BRCA1: variants seen among roughly 807,000 people sequenced by gnomAD.
BRCA1 encodes BRCA1 DNA repair associated, also known as breast cancer type 1 susceptibility protein.
A neutral mutation model predicts 173.7 loss-of-function variants in BRCA1; 140 were observed. The observed-to-expected ratio is 0.81, with a 90% CI of 0.70 to 0.93. BRCA1 has a LOEUF of 0.93. Among genes scored for constraint, BRCA1 ranks in the 40% least tolerant of loss-of-function variants. The pLI is 0.00. For synonymous variants in BRCA1, 662 were observed against 756.0 expected, an observed-to-expected ratio of 0.88 and a Z score of 2.04; for missense variants, 1,983 against 2,172.5, an observed-to-expected ratio of 0.91 and a Z score of 1.73.
At chr17:43,156,855 T>C (rs1049477028) in intron 1 of BRCA1, among the ~76,000 whole-genome samples, 2 of 152,192 alleles carry the variant, frequency 1.3e-5, no homozygotes, top group African/African-American at 2.4e-5. Flanking sequence ...GTAATGAATG[T>C]TGAAGGAAGA....
At chr17:43,158,601 G>A (rs761973971) in intron 1 of BRCA1, among the ~76,000 whole-genome samples, 1 of 152,112 alleles carries the variant, frequency 6.6e-6, no homozygotes, top group Non-Finnish European at 1.5e-5. Flanking sequence ...TTTTTTGAAT[G>A]TTACTCACTA....
chr17:43,079,166 C>T, intron 12 of BRCA1: 1 of 668,090 alleles, frequency 1.5e-6, no homozygotes, highest in Non-Finnish European at 2.6e-6. Flanking sequence ...AAAAGTGAAA[C>T]TTCATCTCAA....
At chr17:43,114,708 T>C (rs1277490545) in intron 3 of BRCA1, among the ~76,000 whole-genome samples, 1 of 152,124 alleles carries the variant, frequency 6.6e-6, no homozygotes, top group Non-Finnish European at 1.5e-5. Flanking sequence ...CTTTTTGTGC[T>C]AATAAACTTT....
chr17:43,047,219 C>T (rs2050951667), intron 22 of BRCA1, among the ~76,000 whole-genome samples: 2 of 152,080 alleles, frequency 1.3e-5, no homozygotes, highest in Admixed American at 1.3e-4. Flanking sequence ...CCCACCTCAG[C>T]TTCCCAAGTA....
chr17:43,079,259 C>T (rs2154103718), intron 12 of BRCA1: 2 of 1,133,244 alleles, frequency 1.8e-6, no homozygotes, highest in Non-Finnish European at 2.6e-6. Flanking sequence ...AAAAGTCATT[C>T]CTCCTTTTGG....
intron 1 of BRCA1, among the ~76,000 whole-genome samples, chr17:43,158,162 T>G (rs1241026741): frequency 1.3e-5 from 2 of 152,194 alleles, no homozygotes; most frequent in Admixed American, 1.3e-4. Context: ...TAATTTGCCA[T>G]AATGAGAAAG....
intron 19 of BRCA1, 77 bp downstream of exon 19, chr17:43,056,975 G>C (rs273901758): frequency 5.4e-6 from 7 of 1,305,314 alleles, no homozygotes; most frequent in Non-Finnish European, 7.8e-6. Flanking sequence ...AAAATGAAGC[G>C]GCCCATCTCT....
At chr17:43,067,890 TA>T (rs71157702) in intron 15 of BRCA1, among the ~76,000 whole-genome samples, 195 bp from the exon 16 acceptor site, 61 of 50,102 alleles carry the variant, frequency 1.2e-3, no homozygotes, top group African/African-American at 5.3e-3. Context: ...AGGCTGGAGG[TA>T]AAAAAAAAAA....
intron 2 of BRCA1, 95 bp downstream of exon 2, chr17:43,123,922 G>T: frequency 1.0e-6 from 1 of 973,444 alleles, no homozygotes; most frequent in Non-Finnish European, 1.7e-6. Context: ...TACTAGACAT[G>T]TCTTTTCTTC....
At chr17:43,071,315 A>G in intron 14 of BRCA1, 77 bp from the exon 15 acceptor site, 1 of 1,518,822 alleles carries the variant, frequency 6.6e-7, no homozygotes, top group Non-Finnish European at 9.1e-7. Flanking sequence ...GTTAAGAATT[A>G]AAAAGACCAA....
chr17:43,126,865 C>T (rs1597927845), upstream of BRCA1, among the ~76,000 whole-genome samples: 1 of 152,192 alleles, frequency 6.6e-6, no homozygotes, highest in African/African-American at 2.4e-5. Context: ...GGAACTGGGG[C>T]TGCGCGCAGC....
chr17:43,063,967 C>T lies in BRCA1; in HGVS notation c.5075-16G>A, dbSNP rs2153610661. 6.2e-7 allele frequency: 1 copy of T among 1,612,630 alleles called. No individual in the cohort carries two copies. Among genetic ancestry groups the T allele is most frequent in the South Asian group, 1.1e-5 (1 of 91,032 alleles). On this transcript the variant is annotated splice_polypyrimidine_tract_variant and intron_variant, in intron 16 of 22. Coordinates refer to ENST00000357654, the MANE Select transcript of BRCA1 (RefSeq NM_007294.4). ...AACTCAGCATCTGCAGAATGAAAAA[C>T]ACTCAAAGGATTAGAAGTTGAAAAC... is the stretch of plus-strand genomic sequence containing the variant.
In BRCA1 at chr17:43,047,666, C is replaced by G. The variant is rs80356962; in HGVS notation, c.5444G>C (p.Trp1815Ser). ...HPIVVVQPDAWTEDNGFHAIG... is the reference protein window; with the variant it reads ...HPIVVVQPDASTEDNGFHAIG... ...ACCATGGAAGCCATTGTCCTCTGTC[C>G]AGGCATCTGGCTGCACAACCACAAT... Residue 1815 changes from tryptophan to serine, a missense_variant, in exon 22 of 23, where the codon TGG becomes TCG. By Grantham distance (177) the Trp-to-Ser change is radical. Transcript: ENST00000357654. The G allele has an allele frequency of 1.9e-6, 3 of 1,614,212 alleles. No individual in the cohort carries two copies. Among genetic ancestry groups the G allele is most frequent in the Non-Finnish European group, 2.5e-6 (3 of 1,180,042 alleles).
chr17:43,115,477 G>A lies in BRCA1; in HGVS notation c.134+249C>T, dbSNP rs575540881. Among the ~76,000 whole-genome samples, 16 of 150,800 alleles carry A rather than the reference G, an allele frequency of 1.1e-4. No homozygotes were observed. The South Asian group carries it at 3.2e-3, about 30-fold the overall frequency. ...AGATCATGCCACTGCACTCCAGCCTGGGCGACAGAGCGAGACTTTGTCTCA... is the reference window on the plus strand; with the variant it reads ...AGATCATGCCACTGCACTCCAGCCTAGGCGACAGAGCGAGACTTTGTCTCA... On this transcript the variant is annotated intron_variant, in intron 3 of 22. Coordinates refer to ENST00000357654, the MANE Select transcript of BRCA1 (RefSeq NM_007294.4).
rs138580476 is a variant in BRCA1 at position 43,079,718 on chromosome 17, G to A, written c.4357+2686C>T. The stretch of plus-strand genomic sequence containing the variant: ...TGCTCCACCCAGAGAAGCACACTTT[G>A]TGAGAACCAATGGGAAGGAGCCTGA... On this transcript the variant is annotated intron_variant, in intron 12 of 22. Coordinates refer to ENST00000357654, the MANE Select transcript of BRCA1 (RefSeq NM_007294.4). 106 of 1,393,612 alleles carry A rather than the reference G, an allele frequency of 7.6e-5. No homozygotes were observed. In the African/African-American group the frequency reaches 1.2e-3, roughly 15 times the overall value. The allele number at this position is 1,393,612 out of a possible 1,614,324, so 86.3% of individuals were successfully genotyped here. A position where few individuals can be genotyped will look rare whatever the true frequency, so the allele number is the denominator to read the frequency against.
chr17:43,110,415 G>C (rs933431520), intron 3 of BRCA1: 8 of 255,218 alleles, frequency 3.1e-5, no homozygotes, highest in Non-Finnish European at 5.8e-5. Context: ...GCGAAACCCC[G>C]TCTCTACAGA....
intron 11 of BRCA1, among the ~76,000 whole-genome samples, chr17:43,084,116 C>T (rs1229973102): frequency 2.6e-5 from 4 of 151,930 alleles, no homozygotes; most frequent in African/African-American, 4.8e-5. Flanking sequence ...CTGCAAGCTC[C>T]GCCTCCCAGG....
At chr17:43,133,236 G>A (rs1165810503) in intron 1 of BRCA1, 2 of 147,718 alleles carry the variant, frequency 1.4e-5, no homozygotes, top group Non-Finnish European at 2.9e-5. Flanking sequence ...AGTCCCAGAG[G>A]ACAGATTTGA....
At position 43,092,034 on chromosome 17, in the gene BRCA1, G is replaced by A. The variant is rs2154308367; in HGVS notation, c.3497C>T (p.Ala1166Val). ...DGEIKEDTSFAENDIKESSAV... is the reference protein window; with the variant it reads ...DGEIKEDTSFVENDIKESSAV... ...AGAACTTTCCTTAATGTCATTTTCA[G>A]CAAAACTAGTATCTTCCTTTATTTC... is the stretch of plus-strand genomic sequence containing the variant. Residue 1166 changes from alanine (A) to valine (V), a missense_variant, in exon 10 of 23, where the codon GCT becomes GTT. Transcript: ENST00000357654. 1 of 1,613,990 alleles carries A rather than the reference G, an allele frequency of 6.2e-7. No homozygotes were observed. The highest frequency in any genetic ancestry group is 8.5e-7 in the Non-Finnish European group (1 of 1,180,020).
Sources: allele counts gnomAD v4.1 joint callset (sites outside exome capture counted in the v4.1 genomes callset), GRCh38; gene constraint gnomAD v4.1.1; transcripts MANE v1.5; gene names NCBI Gene and HGNC (gene_info 2026-07-23, HGNC 2026-07-21).